Variants in PLA2G4E observed in about 807,000 individuals in gnomAD.
PLA2G4E encodes the protein phospholipase A2 group IVE.
In PLA2G4E, 84 loss-of-function variants were observed where a neutral mutation model predicts 109.1. The observed-to-expected ratio is 0.77, with a 90% CI of 0.65 to 0.92. The LOEUF is 0.92. Among genes scored for constraint, PLA2G4E ranks in the 40% least tolerant of loss-of-function variants. The pLI is 0.00. For synonymous variants in PLA2G4E, 469 were observed against 436.1 expected (o/e 1.08, Z -0.94); for missense variants, 1,057 against 1,076.6 (o/e 0.98, Z 0.25).
chr15:42,039,790 C>A (rs1178505515), intron 1 of PLA2G4E, among the ~76,000 whole-genome samples: 1 of 152,026 alleles, frequency 6.6e-6, no homozygotes, highest in South Asian at 2.1e-4. Flanking sequence ...TCCTAAGAGA[C>A]ATAAAACAGC....
At chr15:42,026,353 T>A (rs1028796940) in intron 1 of PLA2G4E, among the ~76,000 whole-genome samples, 27 of 152,144 alleles carry the variant, frequency 1.8e-4, no homozygotes, top group African/African-American at 5.6e-4. Flanking sequence ...ATGGCAAAAG[T>A]GACTTACTAT....
chr15:42,050,086 G>A (rs1889482384), intron 1 of PLA2G4E, among the ~76,000 whole-genome samples: 1 of 152,192 alleles, frequency 6.6e-6, no homozygotes, highest in South Asian at 2.1e-4. Flanking sequence ...CATGGTTCGA[G>A]AGCCTATGTG....
intron 3 of PLA2G4E, among the ~76,000 whole-genome samples, chr15:42,006,418 A>G (rs2068477403): frequency 6.6e-6 from 1 of 152,198 alleles, no homozygotes; most frequent in South Asian, 2.1e-4. Flanking sequence ...GGAAGGATTT[A>G]GTTTCACCTG....
chr15:42,000,052 C>A, intron 8 of PLA2G4E, 52 bp from the exon 9 acceptor site: 1 of 1,574,568 alleles, frequency 6.4e-7, no homozygotes, highest in Non-Finnish European at 8.6e-7. Context: ...CCTCTGGCAC[C>A]CCCCACCTGT....
rs368686899 is a variant in PLA2G4E at position 42,040,031 on chromosome 15, A to G, written c.183+10490T>C. Among the ~76,000 whole-genome samples, 170 of 152,338 alleles carry G rather than the reference A, an allele frequency of 1.1e-3. 2 individuals are homozygous for G. The highest frequency in any genetic ancestry group is 6.8e-3 in the Middle Eastern group (2 of 294). ...GAGAGAAAACTAATTCTATCAATAA[A>G]TGTACTTTAAAGCCACAGTATTTGG... On this transcript the variant is annotated intron_variant, in intron 1 of 19. Transcript: ENST00000399518.
At position 42,003,891 on chromosome 15, in the gene PLA2G4E, CCTTTCCTTG is replaced by C. The variant is rs1330253772; in HGVS notation, c.566+1038_566+1046del. On this transcript the variant is annotated intron_variant, in intron 5 of 19. Transcript: ENST00000399518. ...TCTTTCTTTCTTTCTTCCTTTCCTT[CCTTTCCTTG>C]CTTTCCTTCCTTCCTTTCCTTCCTA... Among the ~76,000 whole-genome samples the C allele has an allele frequency of 2.4e-3, 358 of 152,178 alleles. 1 individual carries two copies. The highest frequency in any genetic ancestry group is 0.017 in the Middle Eastern group (5 of 294).
chr15:42,021,967 C>T (rs2068653029), intron 1 of PLA2G4E, among the ~76,000 whole-genome samples: 1 of 152,188 alleles, frequency 6.6e-6, no homozygotes, highest in Non-Finnish European at 1.5e-5. Flanking sequence ...GCCTGGCCTT[C>T]CAGAAAGTGG....
chr15:42,021,988 G>T (rs367950722), intron 1 of PLA2G4E, among the ~76,000 whole-genome samples: 22 of 152,304 alleles, frequency 1.4e-4, no homozygotes, highest in African/African-American at 5.3e-4. Flanking sequence ...AGGGGCCTTA[G>T]CCTGCTGCTC....
exon 13 of PLA2G4E, chr15:41,992,746 C>T (rs1427269113): frequency 2.0e-5 from 32 of 1,611,318 alleles, no homozygotes; most frequent in Non-Finnish European, 2.5e-5. Flanking sequence ...CCTCGTCCCC[C>T]AGGCAGGTCT....
intron 6 of PLA2G4E, among the ~76,000 whole-genome samples, chr15:42,001,495 G>A (rs1191461506): frequency 6.6e-6 from 1 of 152,164 alleles, no homozygotes; most frequent in Non-Finnish European, 1.5e-5. Flanking sequence ...CTGCAGGTCG[G>A]GAATCTGACC....
At chr15:42,005,993 C>A (rs773573243) in exon 4 of PLA2G4E, 1 of 1,613,514 alleles carries the variant, frequency 6.2e-7, no homozygotes, top group Non-Finnish European at 8.5e-7. Flanking sequence ...CACCCACCTG[C>A]GGGTTGAGTG....
chr15:41,992,488 G>A lies in PLA2G4E; in HGVS notation c.1470+249C>T, dbSNP rs369190992. Among the ~76,000 whole-genome samples, 8 of 152,298 alleles carry A rather than the reference G, an allele frequency of 5.3e-5. No homozygotes were observed. The East Asian group carries it at 5.8e-4, about 11-fold the overall frequency. ...TGTCTTGGCGTGGCTCTCAGAGGAC[G>A]TGCTGCCCTAGGCAGGTTTGCCTCC... is the stretch of plus-strand genomic sequence containing the variant. On this transcript the variant is annotated intron_variant, in intron 13 of 19. Transcript: ENST00000399518.
chr15:42,036,986 T>G (rs1889228858), intron 1 of PLA2G4E, among the ~76,000 whole-genome samples: 1 of 152,212 alleles, frequency 6.6e-6, no homozygotes, highest in African/African-American at 2.4e-5. Flanking sequence ...TGTTGCAGCC[T>G]GGCCGAGGGT....
exon 18 of PLA2G4E, chr15:41,985,920 G>A: frequency 6.2e-7 from 1 of 1,608,272 alleles, no homozygotes; most frequent in Non-Finnish European, 8.5e-7. Flanking sequence ...GCGGGTAGCT[G>A]GAGTTGACAA....
rs1555386988 is a variant in PLA2G4E, at chr15:42,010,132, G to GCAC, written c.257-2268_257-2267insGTG. 657 of 428,288 alleles carry GCAC rather than the reference G, an allele frequency of 1.5e-3. 15 individuals carry two copies. The highest frequency in any genetic ancestry group is 0.011 in the Admixed American group (515 of 44,908). The allele number at this position is 428,288 out of a possible 1,614,324, so 26.5% of individuals were successfully genotyped here. On this transcript the variant is annotated intron_variant, in intron 2 of 19. Coordinates refer to ENST00000399518, the Ensembl canonical transcript of PLA2G4E. Reference sequence around the variant, plus strand: ...TTCCCTTGGCTTTTCCAGAACACTGGCCCCCCCACCCCGGGCCTGGACCAC... The same window carrying GCAC: ...TTCCCTTGGCTTTTCCAGAACACTGGCACCCCCCCCACCCCGGGCCTGGACCAC...
At chr15:42,048,015 T>C (rs1391961123) in intron 1 of PLA2G4E, among the ~76,000 whole-genome samples, 1 of 152,250 alleles carries the variant, frequency 6.6e-6, no homozygotes, top group African/African-American at 2.4e-5. Flanking sequence ...TATTATGCCA[T>C]ATTGTTATGC....
chr15:42,034,368 A>G (rs953694389), intron 1 of PLA2G4E, among the ~76,000 whole-genome samples: 1 of 152,230 alleles, frequency 6.6e-6, no homozygotes, highest in South Asian at 2.1e-4. Context: ...GAAAATCTGT[A>G]TGTGCTGATT....
At chr15:42,045,223 G>T (rs1461040836) in intron 1 of PLA2G4E, among the ~76,000 whole-genome samples, 2 of 152,196 alleles carry the variant, frequency 1.3e-5, no homozygotes, top group African/African-American at 4.8e-5. Context: ...TCTACGATGG[G>T]AGGTAGCAGA....
In PLA2G4E at chr15:42,009,992, G is replaced by A. The variant is rs532238866; in HGVS notation, c.257-2127C>T. ...GACTCATCTGTCTCCATCACACTGT[G>A]GCCACAGGATACAGGTACAGATACA... On this transcript the variant is annotated intron_variant, in intron 2 of 19. Transcript: ENST00000399518. The A allele has an allele frequency of 1.0e-3, 360 of 351,274 alleles. 2 individuals carry two copies. Among genetic ancestry groups the A allele is most frequent in the African/African-American group, 7.2e-3 (335 of 46,304 alleles). 21.8% of individuals were successfully genotyped at this position (351,274 alleles called of 1,614,324 possible).
Sources: allele counts gnomAD v4.1 joint callset (sites outside exome capture counted in the v4.1 genomes callset), GRCh38; gene constraint gnomAD v4.1.1; transcripts MANE v1.5; gene names NCBI Gene and HGNC (gene_info 2026-07-23, HGNC 2026-07-21).